FOXN3: variants seen among roughly 807,000 people sequenced by gnomAD.
FOXN3 encodes the protein forkhead box N3.
FOXN3 carries 7 observed loss-of-function variants against 38.4 expected under a neutral mutation model. That is an observed-to-expected ratio of 0.18 (90% CI 0.10 to 0.34). The LOEUF (loss-of-function observed/expected upper bound fraction) is 0.34, where lower values mean the gene tolerates loss of function less well. Ranked by LOEUF, FOXN3 falls within the 10% of genes least tolerant of loss-of-function variation. FOXN3 has a pLI of 1.00. For synonymous variants in FOXN3, 230 were observed against 242.2 expected (o/e 0.95, Z 0.47); for missense variants, 456 against 613.4 (o/e 0.74, Z 2.71).
intron 1 of FOXN3, among the ~76,000 whole-genome samples, chr14:89,549,626 GGAATT>G (rs1256293867): frequency 6.6e-6 from 1 of 152,076 alleles, no homozygotes; most frequent in Non-Finnish European, 1.5e-5. Flanking sequence ...GGGTGAGGGA[GGAATT>G]GAATCCAATT....
At chr14:89,225,073 G>A (rs1884589237) in intron 4 of FOXN3, among the ~76,000 whole-genome samples, 1 of 150,384 alleles carries the variant, frequency 6.6e-6, no homozygotes, top group East Asian at 2.0e-4. Flanking sequence ...AGGTTGCAGT[G>A]AGCCGAGATT....
In FOXN3 at chr14:89,502,501, C is replaced by T. The variant is rs138560933; in HGVS notation, c.-14-90011G>A. On this transcript the variant is annotated intron_variant, in intron 1 of 6. Coordinates refer to the FOXN3 transcript ENST00000345097. Reference sequence around the variant, plus strand: ...CAACATTTGGCATTATCTCAACTACCCAGCTGCAGCTGACCTCATCATATA... The same window carrying T: ...CAACATTTGGCATTATCTCAACTACTCAGCTGCAGCTGACCTCATCATATA... Among the ~76,000 whole-genome samples the T allele has an allele frequency of 4.5e-4, 68 of 152,240 alleles. No individual in the cohort carries two copies. In the East Asian group the frequency reaches 0.012, roughly 26 times the overall value.
At chr14:89,229,957 C>A (rs180779338) in intron 4 of FOXN3, among the ~76,000 whole-genome samples, 13 of 152,286 alleles carry the variant, frequency 8.5e-5, no homozygotes, top group African/African-American at 2.9e-4. Flanking sequence ...GTGAATGGCC[C>A]CACTGGCCTC....
chr14:89,412,526 G>C lies in FOXN3; in HGVS notation c.-14-36C>G. ...CATCACAAAGAAATGATGAGCTGGCGAGGCCCAAAACAGAAAGGCAGACTG... is the reference window on the plus strand; with the variant it reads ...CATCACAAAGAAATGATGAGCTGGCCAGGCCCAAAACAGAAAGGCAGACTG... On this transcript the variant is annotated intron_variant, in intron 1 of 5. Transcript: ENST00000557258. The surrounding 1 kb of genome is among the most constrained non-coding windows in gnomAD (Gnocchi z 4.7). 6.5e-7 allele frequency: 1 copy of C among 1,532,502 alleles called. No individual in the cohort carries two copies. Among genetic ancestry groups the C allele is most frequent in the Non-Finnish European group, 8.8e-7 (1 of 1,135,314 alleles). The allele number at this position is 1,532,502 out of a possible 1,614,324, so 94.9% of individuals were successfully genotyped here. A position where few individuals can be genotyped will look rare whatever the true frequency, so the allele number is the denominator to read the frequency against.
intron 1 of FOXN3, among the ~76,000 whole-genome samples, chr14:89,485,301 G>A (rs957244110): frequency 3.4e-4 from 51 of 152,172 alleles, no homozygotes; most frequent in African/African-American, 1.2e-3. Flanking sequence ...CCTGACTACA[G>A]CCCCAGCCCT....
chr14:89,552,648 T>C (rs1458630848), intron 1 of FOXN3, among the ~76,000 whole-genome samples: 1 of 142,176 alleles, frequency 7.0e-6, no homozygotes, highest in Non-Finnish European at 1.5e-5. Flanking sequence ...CACCTGAGGT[T>C]GGGAGTTTGA....
At chr14:89,480,297 G>A (rs1742728625) in intron 1 of FOXN3, among the ~76,000 whole-genome samples, 1 of 152,082 alleles carries the variant, frequency 6.6e-6, no homozygotes, top group Non-Finnish European at 1.5e-5. Flanking sequence ...CAGCTACTCG[G>A]GAGGCTGAAG....
chr14:89,159,180 G>C lies in FOXN3; in HGVS notation c.*3234C>G, dbSNP rs1216333445. 2 of 152,594 alleles carry C rather than the reference G, an allele frequency of 1.3e-5. No individual in the cohort carries two copies. The highest frequency in any genetic ancestry group is 2.9e-5 in the Non-Finnish European group (2 of 68,040). 9.5% of individuals were successfully genotyped at this position (152,594 alleles called of 1,614,324 possible). A position where few individuals can be genotyped will look rare whatever the true frequency, so the allele number is the denominator to read the frequency against. On this transcript the variant is annotated 3_prime_UTR_variant, in exon 6 of 6. Coordinates refer to ENST00000557258, the MANE Select transcript of FOXN3 (RefSeq NM_005197.4). ...CTGCCCCTTGGCTTGTTAAGGACAC[G>C]GACAACCTCATTCTCCAATAAATTC...
intron 1 of FOXN3, among the ~76,000 whole-genome samples, chr14:89,612,066 G>A (rs1046321450): frequency 1.4e-4 from 21 of 152,262 alleles, no homozygotes; most frequent in South Asian, 4.2e-4. Context: ...TCGGAGGAAA[G>A]CCTGGGATTT....
At chr14:89,365,848 TAC>T in intron 2 of FOXN3, among the ~76,000 whole-genome samples, 1 of 152,348 alleles carries the variant, frequency 6.6e-6, no homozygotes, top group Non-Finnish European at 1.5e-5. Context: ...AACTCTCACG[TAC>T]ACACAAAGTA....
chr14:89,403,944 G>A (rs1207456405), intron 2 of FOXN3, among the ~76,000 whole-genome samples: 1 of 152,224 alleles, frequency 6.6e-6, no homozygotes, highest in African/African-American at 2.4e-5. Context: ...CAGCAGTGGA[G>A]TAAGAGCTTC....
At chr14:89,318,767 G>A (rs1021053985) in intron 3 of FOXN3, among the ~76,000 whole-genome samples, 1 of 152,318 alleles carries the variant, frequency 6.6e-6, no homozygotes, top group South Asian at 2.1e-4. Flanking sequence ...GTGACTGGTG[G>A]AGCTGACCAC....
rs575209101 is a variant in FOXN3 at position 89,160,525 on chromosome 14, T to C, written c.*1889A>G. The C allele has an allele frequency of 6.6e-6, 1 of 152,664 alleles. No individual in the cohort carries two copies. Among genetic ancestry groups the C allele is most frequent in the African/African-American group, 2.4e-5 (1 of 41,520 alleles). 9.5% of individuals were successfully genotyped at this position (152,664 alleles called of 1,614,324 possible). A position where few individuals can be genotyped will look rare whatever the true frequency, so the allele number is the denominator to read the frequency against. On this transcript the variant is annotated 3_prime_UTR_variant, in exon 6 of 6. Coordinates refer to ENST00000557258, the MANE Select transcript of FOXN3 (RefSeq NM_005197.4). ...CACGGTTCCCCTTCTTCTGGCTAATTTGCATAATTATTCACTGCCTTTTTC... is the reference window on the plus strand; with the variant it reads ...CACGGTTCCCCTTCTTCTGGCTAATCTGCATAATTATTCACTGCCTTTTTC...
At chr14:89,443,106 A>T (rs1477901195) in intron 1 of FOXN3, among the ~76,000 whole-genome samples, 1 of 152,264 alleles carries the variant, frequency 6.6e-6, no homozygotes, top group Admixed American at 6.5e-5. Context: ...AATACTGGTG[A>T]GGTCATGCCA....
rs569717213 is a variant in FOXN3, at chr14:89,179,039, A to G, written c.851+1662T>C. ...ATGAAAAACAGAGTATGTCTTTTTC[A>G]TAAATGTGAGGTAAGAGCATTGGAA... On this transcript the variant is annotated intron_variant, in intron 5 of 5. Transcript: ENST00000557258. Among the ~76,000 whole-genome samples, 15 of 152,356 alleles carry G rather than the reference A, an allele frequency of 9.8e-5. No individual in the cohort carries two copies. The South Asian group carries it at 1.0e-3, about 11-fold the overall frequency.
At chr14:89,415,063 A>G (rs548404073) in intron 1 of FOXN3, among the ~76,000 whole-genome samples, 4 of 152,290 alleles carry the variant, frequency 2.6e-5, no homozygotes, top group South Asian at 4.1e-4. Flanking sequence ...TAACTTCTTT[A>G]TGAACGAATT....
At chr14:89,533,307 C>A (rs189894161) in intron 1 of FOXN3, among the ~76,000 whole-genome samples, 175 of 151,294 alleles carry the variant, frequency 1.2e-3, no homozygotes, top group Non-Finnish European at 2.0e-3. Flanking sequence ...CATGAACTGC[C>A]CTGCCTCTCA....
intron 1 of FOXN3, among the ~76,000 whole-genome samples, chr14:89,589,445 C>T (rs1895908387): frequency 6.6e-6 from 1 of 152,170 alleles, no homozygotes; most frequent in African/African-American, 2.4e-5. Flanking sequence ...ACCACCAGTT[C>T]CTTGAGCCTG....
chr14:89,208,083 G>A (rs1888431910), intron 4 of FOXN3, among the ~76,000 whole-genome samples: 1 of 152,168 alleles, frequency 6.6e-6, no homozygotes, highest in African/African-American at 2.4e-5. Flanking sequence ...GGCAGGGAGT[G>A]CCATTATCTT....
Sources: allele counts gnomAD v4.1 joint callset (sites outside exome capture counted in the v4.1 genomes callset), GRCh38; gene constraint gnomAD v4.1.1; non-coding constraint Gnocchi (gnomAD v3.1); transcripts MANE v1.5; gene names NCBI Gene and HGNC (gene_info 2026-07-23, HGNC 2026-07-21).